The following TECPR2 variants were observed in gnomAD, a reference collection of about 807,000 sequenced individuals.
The protein encoded by TECPR2 is tectonin beta-propeller repeat-containing protein 2.
A neutral mutation model predicts 138.1 loss-of-function variants in TECPR2; 65 were observed. The observed-to-expected ratio is 0.47, with a 90% CI of 0.39 to 0.58. The LOEUF (loss-of-function observed/expected upper bound fraction) is 0.58. Ranked by LOEUF, TECPR2 falls within the 20% of genes least tolerant of loss-of-function variation. TECPR2 has a pLI of 0.00. For missense variants in TECPR2, 1,553 were observed against 1,824.5 expected, an observed-to-expected ratio of 0.85 and a Z score of 2.71; for synonymous variants, 746 against 749.8, an observed-to-expected ratio of 0.99 and a Z score of 0.08.
rs542564504 is a variant in TECPR2, at chr14:102,366,969, G to C, written c.-73+3853G>C. ...ATTTAAGCTGAGACCCCACAGTTGAGAAGAAGCCAGATAAATGGAGTGAGA... is the reference window on the plus strand; with the variant it reads ...ATTTAAGCTGAGACCCCACAGTTGACAAGAAGCCAGATAAATGGAGTGAGA... On this transcript the variant is annotated intron_variant, in intron 1 of 19. Coordinates refer to ENST00000359520, the MANE Select transcript of TECPR2 (RefSeq NM_014844.5). Among the ~76,000 whole-genome samples, 5 of 152,320 alleles carry C rather than the reference G, an allele frequency of 3.3e-5. No individual in the cohort carries two copies. In the East Asian group the frequency reaches 7.7e-4, roughly 23 times the overall value.
intron 4 of TECPR2, among the ~76,000 whole-genome samples, chr14:102,410,089 G>A (rs181244855): frequency 1.1e-4 from 17 of 152,280 alleles, no homozygotes; most frequent in Admixed American, 3.9e-4. Context: ...GATTACAGGC[G>A]TGAGCCACTG....
Position 102,445,959 on chromosome 14 carries a change from G to A in TECPR2, c.3075+12G>A. On this transcript the variant is annotated intron_variant, in intron 13 of 19. Coordinates refer to ENST00000359520, the MANE Select transcript of TECPR2 (RefSeq NM_014844.5). ...ACCATTGGTGGCAAGTAGGTGTTCA[G>A]CTCTGCGCCACGTGCCGAGGTCTCC... The A allele has an allele frequency of 6.2e-7, 1 of 1,608,226 alleles. No individual in the cohort carries two copies. The highest frequency in any genetic ancestry group is 8.5e-7 in the Non-Finnish European group (1 of 1,175,972).
At chr14:102,458,029 C>A (rs899336864) in intron 16 of TECPR2, among the ~76,000 whole-genome samples, 5 of 151,958 alleles carry the variant, frequency 3.3e-5, no homozygotes, top group African/African-American at 7.2e-5. Context: ...CTGTGCCACC[C>A]CGCCCAGCTA....
At chr14:102,471,627 A>G (rs937176989) in intron 17 of TECPR2, among the ~76,000 whole-genome samples, 14 of 151,954 alleles carry the variant, frequency 9.2e-5, no homozygotes, top group African/African-American at 3.1e-4. Context: ...GCTTGAGCCC[A>G]GGAGTTCAAG....
At chr14:102,377,008 C>A in intron 2 of TECPR2, 68 bp downstream of exon 2, 1 of 1,492,116 alleles carries the variant, frequency 6.7e-7, no homozygotes, top group South Asian at 1.2e-5. Context: ...TGCTTGTGTT[C>A]TAGGATGAGA....
At chr14:102,497,522 C>T (rs1249910697) in intron 18 of TECPR2, 48 bp from the exon 19 acceptor site, 1 of 1,451,520 alleles carries the variant, frequency 6.9e-7, no homozygotes, top group South Asian at 1.5e-5. Context: ...AAGCAGCGGC[C>T]CATCCCGTCC....
intron 17 of TECPR2, among the ~76,000 whole-genome samples, chr14:102,487,010 C>T (rs1331488707): frequency 6.6e-6 from 1 of 152,220 alleles, no homozygotes; most frequent in African/African-American, 2.4e-5. Context: ...TCAGCGCCCC[C>T]TGAGGCTGCA....
At chr14:102,462,642 G>A (rs61378179) in intron 16 of TECPR2, among the ~76,000 whole-genome samples, 15,429 of 152,188 alleles carry the variant, frequency 0.1, 1,167 homozygotes, top group African/African-American at 0.22. Context: ...AGTGTGGGGC[G>A]TCCTCCACCT....
intron 1 of TECPR2, among the ~76,000 whole-genome samples, chr14:102,364,552 T>A (rs531045480): frequency 9.8e-4 from 149 of 152,294 alleles, no homozygotes; most frequent in Middle Eastern, 3.4e-3. Context: ...AGGACTGCCT[T>A]GGAAAACCAG....
At chr14:102,457,800 A>G (rs1431877452) in intron 16 of TECPR2, among the ~76,000 whole-genome samples, 3 of 151,760 alleles carry the variant, frequency 2.0e-5, no homozygotes, top group Non-Finnish European at 4.4e-5. Context: ...ATGTTGTTCA[A>G]TATCAAATTT....
At chr14:102,497,896 T>G (rs1485288707) in intron 19 of TECPR2, among the ~76,000 whole-genome samples, 177 bp downstream of exon 19, 1 of 152,242 alleles carries the variant, frequency 6.6e-6, no homozygotes, top group African/African-American at 2.4e-5. Flanking sequence ...ACCTGGGCTC[T>G]GCCAGAGTCT....
intron 1 of TECPR2, among the ~76,000 whole-genome samples, chr14:102,373,823 G>A (rs148078041): frequency 0.04 from 6,074 of 152,176 alleles, 141 homozygotes; most frequent in Middle Eastern, 0.088. Flanking sequence ...GCTCACACCT[G>A]TAATCCCAGC....
chr14:102,444,788 A>T (rs1889925820), intron 12 of TECPR2, among the ~76,000 whole-genome samples: 1 of 152,194 alleles, frequency 6.6e-6, no homozygotes, highest in Non-Finnish European at 1.5e-5. Flanking sequence ...ACTGACCAAC[A>T]TAGTGAAATC....
At chr14:102,496,857 C>T (rs1891294469) in intron 17 of TECPR2, 122 bp from the exon 18 acceptor site, 3 of 1,466,254 alleles carry the variant, frequency 2.0e-6, no homozygotes, top group South Asian at 1.3e-5. Context: ...CTCTCTGCCT[C>T]CTGCGGGGCC....
intron 11 of TECPR2, 26 bp downstream of exon 11, chr14:102,440,635 C>G (rs890167256): frequency 3.7e-6 from 6 of 1,601,460 alleles, no homozygotes; most frequent in Non-Finnish European, 5.1e-6. Flanking sequence ...GCTTAGAGGC[C>G]TGCCAGCTCT....
intron 12 of TECPR2, among the ~76,000 whole-genome samples, chr14:102,444,565 T>C (rs1383329468): frequency 6.6e-6 from 1 of 152,166 alleles, no homozygotes; most frequent in Non-Finnish European, 1.5e-5. Context: ...AGTTATAGAA[T>C]TGCCATCAGA....
Position 102,498,793 on chromosome 14 carries a change from G to A in TECPR2, c.*536G>A. 1.9e-6 allele frequency: 1 copy of A among 535,266 alleles called. No homozygotes were observed. The highest frequency in any genetic ancestry group is 1.7e-5 in the South Asian group (1 of 58,968). The allele number at this position is 535,266 out of a possible 1,614,324, so 33.2% of individuals were successfully genotyped here. A position where few individuals can be genotyped will look rare whatever the true frequency, so the allele number is the denominator to read the frequency against. ...CATTCCATGCCAGACGCTCTGGCCAGGAAGCTGAGGCCGGGCTTGAGAGGA... is the reference window on the plus strand; with the variant it reads ...CATTCCATGCCAGACGCTCTGGCCAAGAAGCTGAGGCCGGGCTTGAGAGGA... On this transcript the variant is annotated 3_prime_UTR_variant, in exon 20 of 20. Transcript: ENST00000359520.
intron 5 of TECPR2, among the ~76,000 whole-genome samples, chr14:102,423,225 G>A (rs1039973113): frequency 5.9e-5 from 9 of 152,146 alleles, no homozygotes; most frequent in African/African-American, 2.2e-4. Flanking sequence ...TTGAGGTCAG[G>A]AGTTCGAGAC....
intron 17 of TECPR2, among the ~76,000 whole-genome samples, chr14:102,479,556 A>AG (rs1199088659): frequency 1.3e-5 from 2 of 152,176 alleles, no homozygotes; most frequent in African/African-American, 4.8e-5. Flanking sequence ...GAAGGTCTGC[A>AG]GTGAGCTGTG....
Sources: allele counts gnomAD v4.1 joint callset (sites outside exome capture counted in the v4.1 genomes callset), GRCh38; gene constraint gnomAD v4.1.1; transcripts MANE v1.5; gene names NCBI Gene and HGNC (gene_info 2026-07-23, HGNC 2026-07-21).